Variants in CRYBG1 observed in about 807,000 individuals in gnomAD.
CRYBG1 encodes the protein crystallin beta-gamma domain containing 1.
CRYBG1 carries 139 observed loss-of-function variants against 189.2 expected under a neutral mutation model. The observed-to-expected ratio is 0.73, with a 90% CI of 0.64 to 0.85. The LOEUF (loss-of-function observed/expected upper bound fraction) is 0.85, where lower values mean the gene tolerates loss of function less well. CRYBG1 is among the 40% of genes least tolerant of loss of function. CRYBG1 has a pLI of 0.00. For synonymous variants in CRYBG1, 1,023 were observed against 1,017.1 expected, an observed-to-expected ratio of 1.01 and a Z score of -0.11; for missense variants, 2,611 against 2,675.8, an observed-to-expected ratio of 0.98 and a Z score of 0.53.
intron 13 of CRYBG1, among the ~76,000 whole-genome samples, chr6:106,549,278 G>T (rs1214322577): frequency 6.6e-6 from 1 of 152,170 alleles, no homozygotes; most frequent in Admixed American, 6.5e-5. Context: ...CCCGTGTGCT[G>T]TACAGCATCA....
rs144047037 is a variant in CRYBG1 at position 106,405,602 on chromosome 6, C to T, written c.173+44521C>T. On this transcript the variant is annotated intron_variant, in intron 1 of 21. Coordinates refer to ENST00000633556, the MANE Select transcript of CRYBG1 (RefSeq NM_001371242.2). The stretch of plus-strand genomic sequence containing the variant: ...GCCTCCTGACAGGGAGACACCTTCC[C>T]GCAGGGGTCAGCAGACACCTCATAC... Among the ~76,000 whole-genome samples, 672 of 152,326 alleles carry T rather than the reference C, an allele frequency of 4.4e-3. 4 individuals carry two copies. The highest frequency in any genetic ancestry group is 0.015 in the African/African-American group (641 of 41,564).
At chr6:106,495,741 C>T (rs1015011584) in intron 2 of CRYBG1, among the ~76,000 whole-genome samples, 1 of 148,746 alleles carries the variant, frequency 6.7e-6, no homozygotes, top group African/African-American at 2.5e-5. Flanking sequence ...TTCCATCAGT[C>T]ATTCTTACAG....
In CRYBG1 at chr6:106,536,162, T is replaced by C. The variant is rs113210470; in HGVS notation, c.4719-3241T>C. Reference sequence around the variant, plus strand: ...TGTTCCCTCATGCTACTATTTAGCATGTTCTTCTGTTGCCCGAATTTCCTA... The same window carrying C: ...TGTTCCCTCATGCTACTATTTAGCACGTTCTTCTGTTGCCCGAATTTCCTA... On this transcript the variant is annotated intron_variant, in intron 8 of 21. Transcript: ENST00000633556. Among the ~76,000 whole-genome samples, 443 of 152,366 alleles carry C rather than the reference T, an allele frequency of 2.9e-3. 4 individuals are homozygous for C. Among genetic ancestry groups the C allele is most frequent in the African/African-American group, 0.01 (426 of 41,580 alleles).
chr6:106,447,515 A>T (rs1030902422), intron 1 of CRYBG1, among the ~76,000 whole-genome samples: 1 of 149,350 alleles, frequency 6.7e-6, no homozygotes, highest in African/African-American at 2.5e-5. Context: ...TGATTATTAC[A>T]CTTTGAATGC....
Position 106,431,907 on chromosome 6 carries a change from C to A in CRYBG1, c.174-19787C>A, listed in dbSNP as rs73509261. ...AGATATCGTCATCAGATGCAAATGACATGATGAATTTGCCACCCACAAGGC... is the reference window on the plus strand; with the variant it reads ...AGATATCGTCATCAGATGCAAATGAAATGATGAATTTGCCACCCACAAGGC... On this transcript the variant is annotated intron_variant, in intron 1 of 21. Coordinates refer to ENST00000633556, the MANE Select transcript of CRYBG1 (RefSeq NM_001371242.2). 4.1e-3 allele frequency among the ~76,000 whole-genome samples: 625 copies of A among 152,216 alleles called. 5 individuals are homozygous for A. The highest frequency in any genetic ancestry group is 0.014 in the African/African-American group (599 of 41,522).
intron 2 of CRYBG1, among the ~76,000 whole-genome samples, chr6:106,504,543 T>G (rs140662802): frequency 1.3e-5 from 2 of 152,254 alleles, no homozygotes; most frequent in East Asian, 3.9e-4. Flanking sequence ...CTGAATCATA[T>G]ATAATAGAAA....
intron 2 of CRYBG1, among the ~76,000 whole-genome samples, chr6:106,472,959 T>C (rs749505081): frequency 3.3e-5 from 5 of 151,518 alleles, no homozygotes; most frequent in Admixed American, 1.3e-4. Flanking sequence ...TAAATTATCA[T>C]TTCTGTGTTA....
intron 1 of CRYBG1, among the ~76,000 whole-genome samples, chr6:106,376,800 G>A (rs554147375): frequency 7.2e-5 from 11 of 152,278 alleles, no homozygotes; most frequent in African/African-American, 2.6e-4. Context: ...GAACCTGGCT[G>A]ACATCTGAAT....
intron 13 of CRYBG1, 44 bp from the exon 14 acceptor site, chr6:106,551,808 A>G: frequency 6.3e-7 from 1 of 1,584,094 alleles, no homozygotes; most frequent in East Asian, 2.2e-5. Flanking sequence ...ATCGTTTTAT[A>G]TGTAAAATAT....
chr6:106,499,589 T>C (rs962492102), intron 2 of CRYBG1, among the ~76,000 whole-genome samples: 7 of 152,280 alleles, frequency 4.6e-5, no homozygotes, highest in African/African-American at 1.7e-4. Context: ...ATTGTATACA[T>C]TGTGTTGTAT....
At chr6:106,499,717 T>C (rs183141008) in intron 2 of CRYBG1, among the ~76,000 whole-genome samples, 55 of 152,324 alleles carry the variant, frequency 3.6e-4, no homozygotes, top group Admixed American at 3.3e-4. Flanking sequence ...TTTTAAAATA[T>C]GTAATACATT....
chr6:106,486,528 G>A (rs1402862860), intron 2 of CRYBG1, among the ~76,000 whole-genome samples: 3 of 152,102 alleles, frequency 2.0e-5, no homozygotes, highest in Admixed American at 2.0e-4. Context: ...TGAAAGTGTA[G>A]TGTTGAAGCC....
intron 1 of CRYBG1, among the ~76,000 whole-genome samples, chr6:106,386,872 A>G (rs1420609303): frequency 1.3e-5 from 2 of 152,142 alleles, no homozygotes; most frequent in Non-Finnish European, 2.9e-5. Context: ...CCATGGCCCC[A>G]GGATTTGGGA....
At chr6:106,452,181 C>T (rs559209206) in intron 2 of CRYBG1, among the ~76,000 whole-genome samples, 43 of 143,460 alleles carry the variant, frequency 3.0e-4, no homozygotes, top group African/African-American at 1.0e-3. Context: ...CAGAGGCAGG[C>T]GGATCACTTG....
Position 106,553,468 on chromosome 6 carries a change from C to T in CRYBG1, c.5486C>T (p.Ser1829Leu), listed in dbSNP as rs1774454947. The change falls in exon 16 of 22, where the codon TCA (serine) becomes TTA (leucine). Residue 1829 changes from serine to leucine, a missense_variant. Physicochemically the swap from Ser to Leu is moderately radical, Grantham distance 145. Around this residue, in one of 3 missense-constraint regions of CRYBG1, gnomAD observed 1,622 missense variants for 1,735.0 expected, o/e 0.93. Transcript: ENST00000633556. ...ACTTTTTCAAAGATTCACTTGTTTT[C>T]AGAACCACAGTTTCAAGGTCACAGT... is the stretch of plus-strand genomic sequence containing the variant. ...PRRRNQIHLF[S>L]EPQFQGHSQS... 2 of 1,610,404 alleles carry T rather than the reference C, an allele frequency of 1.2e-6. No individual in the cohort carries two copies. Among genetic ancestry groups the T allele is most frequent in the Non-Finnish European group, 1.7e-6 (2 of 1,177,016 alleles).
chr6:106,410,207 A>T (rs1188437782), intron 1 of CRYBG1, among the ~76,000 whole-genome samples: 1 of 152,258 alleles, frequency 6.6e-6, no homozygotes, highest in Non-Finnish European at 1.5e-5. Flanking sequence ...AAAGTGGGTG[A>T]AGGATATGAA....
rs146670935 is a variant in CRYBG1, at chr6:106,432,145, A to G, written c.174-19549A>G. On this transcript the variant is annotated intron_variant, in intron 1 of 21. Transcript: ENST00000633556. ...TCTTTGAGAGTGAAATATTCAAATAACGACTCTTAATTGTACCTCATAACC... is the reference window on the plus strand; with the variant it reads ...TCTTTGAGAGTGAAATATTCAAATAGCGACTCTTAATTGTACCTCATAACC... Among the ~76,000 whole-genome samples, 5 of 152,310 alleles carry G rather than the reference A, an allele frequency of 3.3e-5. No homozygotes were observed. In the East Asian group the frequency reaches 9.6e-4, roughly 29 times the overall value.
In CRYBG1 at chr6:106,521,205, T is replaced by C; in HGVS notation, c.3997T>C (p.Tyr1333His). The C allele has an allele frequency of 1.2e-6, 2 of 1,614,026 alleles. No homozygotes were observed. Among genetic ancestry groups the C allele is most frequent in the Non-Finnish European group, 1.7e-6 (2 of 1,180,002 alleles). Residue 1333 changes from tyrosine (Y) to histidine (H), a missense_variant, in exon 4 of 22, where the codon TAC becomes CAC. Physicochemically the swap from Tyr to His is moderately conservative, Grantham distance 83 (BLOSUM62 2). This residue lies in a region of CRYBG1 where 1,622 missense variants were observed against 1,735.0 expected (regional missense o/e 0.93). Transcript: ENST00000633556. The stretch of plus-strand genomic sequence containing the variant: ...GAAAAGTCCAAGCCACATGGAAAAA[T>C]ACCCGCAAAAAGAGAAAACCAAAGA... ...SLKSPSHMEK[Y>H]PQKEKTKEDL... is the part of the protein sequence containing the mutation.
chr6:106,408,982 C>A (rs976986250), intron 1 of CRYBG1, among the ~76,000 whole-genome samples: 1 of 152,094 alleles, frequency 6.6e-6, no homozygotes, highest in African/African-American at 2.4e-5. Context: ...ATGCCCTCTG[C>A]CACCACTCCT....
Sources: gnomAD v4.1 joint callset for allele counts (sites outside exome capture counted in the v4.1 genomes callset) on GRCh38, gnomAD v4.1.1 for gene constraint, gnomAD v4.1.1 regional missense constraint, MANE v1.5 for transcripts, NCBI Gene and HGNC (gene_info 2026-07-23, HGNC 2026-07-21) for gene names.